ACACA: variants seen among roughly 807,000 people sequenced by gnomAD.
ACACA encodes acetyl-CoA carboxylase alpha.
In ACACA, 103 loss-of-function variants were observed where a neutral mutation model predicts 296.1. The ratio of observed to expected loss-of-function variants is 0.35; its 90% CI spans 0.30 to 0.41. The LOEUF (loss-of-function observed/expected upper bound fraction) is 0.41. ACACA is among the 10% of genes least tolerant of loss of function. ACACA has a pLI of 1.00. For missense variants in ACACA, 1,554 were observed against 2,989.7 expected, an observed-to-expected ratio of 0.52 and a Z score of 11.20; for synonymous variants, 953 against 1,038.6, an observed-to-expected ratio of 0.92 and a Z score of 1.58.
At chr17:37,277,777 A>G (rs1466043526) in intron 6 of ACACA, 119 bp downstream of exon 6, 2 of 736,962 alleles carry the variant, frequency 2.7e-6, no homozygotes, top group African/African-American at 1.7e-5. Flanking sequence ...TCCCATACAC[A>G]GGCATTTAAT....
At chr17:37,365,881 A>G in intron 1 of ACACA, 1 of 251,758 alleles carries the variant, frequency 4.0e-6, no homozygotes, top group Non-Finnish European at 6.3e-6. Flanking sequence ...CCAATGGCAA[A>G]CACTTCCAGT....
chr17:37,142,014 T>G (rs1002909919), intron 45 of ACACA, among the ~76,000 whole-genome samples: 5 of 149,250 alleles, frequency 3.4e-5, no homozygotes, highest in Non-Finnish European at 6.0e-5. Flanking sequence ...TTTTTTTTGT[T>G]TTTTTTTTTT....
At chr17:37,143,018 TA>T (rs1225525342) in intron 45 of ACACA, among the ~76,000 whole-genome samples, 7 of 152,192 alleles carry the variant, frequency 4.6e-5, no homozygotes, top group Non-Finnish European at 8.8e-5. Flanking sequence ...ATGTTTTACC[TA>T]TTTTGGCTCA....
intron 3 of ACACA, among the ~76,000 whole-genome samples, chr17:37,290,372 ATTATTAT>A (rs1330156392): frequency 6.6e-6 from 1 of 152,076 alleles, no homozygotes; most frequent in Non-Finnish European, 1.5e-5. Context: ...TTGAATGGTG[ATTATTAT>A]TTATTAATTA....
intron 45 of ACACA, among the ~76,000 whole-genome samples, chr17:37,132,684 T>C (rs1421912936): frequency 6.6e-6 from 1 of 152,174 alleles, no homozygotes; most frequent in African/African-American, 2.4e-5. Context: ...CACTATTTTC[T>C]TCCTATCTCT....
At chr17:37,090,858 C>A (rs1164549808) in intron 54 of ACACA, among the ~76,000 whole-genome samples, 2 of 151,538 alleles carry the variant, frequency 1.3e-5, no homozygotes, top group African/African-American at 2.4e-5. Context: ...CATACCCCTA[C>A]TTATGAAGAT....
At chr17:37,355,583 C>T (rs1489359863) in intron 1 of ACACA, among the ~76,000 whole-genome samples, 2 of 151,444 alleles carry the variant, frequency 1.3e-5, no homozygotes, top group Non-Finnish European at 2.9e-5. Context: ...TAGCCAAGCA[C>T]GGTGGCTCAC....
intron 52 of ACACA, 58 bp downstream of exon 52, chr17:37,111,473 A>C (rs1259796388): frequency 7.9e-7 from 1 of 1,272,656 alleles, no homozygotes; most frequent in African/African-American, 1.5e-5. Context: ...CTATGAATGC[A>C]CTCATTACAA....
At chr17:37,167,832 ACT>A (rs986998207) in intron 41 of ACACA, among the ~76,000 whole-genome samples, 2 of 152,104 alleles carry the variant, frequency 1.3e-5, no homozygotes, top group African/African-American at 2.4e-5. Context: ...GTATACCAGA[ACT>A]CTCTAATATG....
intron 47 of ACACA, among the ~76,000 whole-genome samples, chr17:37,127,850 A>G (rs1278090083): frequency 6.6e-6 from 1 of 150,560 alleles, no homozygotes; most frequent in Non-Finnish European, 1.5e-5. Context: ...CTCAAAAAAA[A>G]AAAAAAGAAA....
intron 52 of ACACA, among the ~76,000 whole-genome samples, chr17:37,108,404 T>A (rs920484978): frequency 4.6e-5 from 7 of 150,734 alleles, no homozygotes; most frequent in South Asian, 2.1e-4. Flanking sequence ...TTTTTTTTTT[T>A]AAAGACAGGG....
rs1002934101 is a variant in ACACA, at chr17:37,406,616, C to G, written c.-317G>C. ...CCGCACTCCGGAGGGGACCAAACAG[C>G]CCCACGCGCCAGGAAGCCTCAGGCA... On this transcript the variant is annotated 5_prime_UTR_variant, in exon 1 of 56. Coordinates refer to ENST00000616317, the MANE Select transcript of ACACA (RefSeq NM_198834.3). 5.6e-6 allele frequency: 3 copies of G among 534,008 alleles called. No individual in the cohort carries two copies. The highest frequency in any genetic ancestry group is 3.2e-5 in the Admixed American group (1 of 31,334). 33.1% of individuals were successfully genotyped at this position (534,008 alleles called of 1,614,324 possible).
rs1240402071 is a variant in ACACA at position 37,104,848 on chromosome 17, G to A, written c.6565+6683C>T. ...TCCTAGCTACTTGGGACTGAGGTGG[G>A]AGAATTGCTTGAGCCTGACAGGTCG... On this transcript the variant is annotated intron_variant, in intron 52 of 55. Coordinates refer to ENST00000616317, the MANE Select transcript of ACACA (RefSeq NM_198834.3). 2.0e-5 allele frequency among the ~76,000 whole-genome samples: 3 copies of A among 149,326 alleles called. No individual in the cohort carries two copies. In the Admixed American group the frequency reaches 2.0e-4, roughly 10 times the overall value.
At chr17:37,288,361 A>G (rs902447640) in intron 3 of ACACA, among the ~76,000 whole-genome samples, 9 of 152,216 alleles carry the variant, frequency 5.9e-5, no homozygotes, top group African/African-American at 1.9e-4. Context: ...AATAACATGA[A>G]TGAATCTCAA....
At chr17:37,244,296 G>T (rs2080578812) in intron 21 of ACACA, among the ~76,000 whole-genome samples, 1 of 152,070 alleles carries the variant, frequency 6.6e-6, no homozygotes, top group South Asian at 2.1e-4. Flanking sequence ...AACCCAGGAG[G>T]TGGAGGTTGC....
chr17:37,307,383 CTTGATATTGCTCGTTTTTTAATTTTACCT>C (rs990135393), intron 3 of ACACA, among the ~76,000 whole-genome samples: 2 of 152,150 alleles, frequency 1.3e-5, no homozygotes, highest in African/African-American at 4.8e-5. Flanking sequence ...CTTGCTAACA[CTTGATATTGCTCGTTTTTTAATTTTACCT>C]TTTTTGGTTG....
chr17:37,247,704 A>G (rs974739895), intron 18 of ACACA, among the ~76,000 whole-genome samples: 19 of 152,214 alleles, frequency 1.2e-4, no homozygotes, highest in African/African-American at 4.3e-4. Context: ...CAGTATGTAC[A>G]TGAGTGTAAC....
chr17:37,104,552 C>T (rs1213367660), intron 52 of ACACA, among the ~76,000 whole-genome samples: 1 of 152,184 alleles, frequency 6.6e-6, no homozygotes, highest in African/African-American at 2.4e-5. Context: ...CAAAGCAGTT[C>T]AAATTGACTT....
At chr17:37,286,093 T>G (rs2082757385) in intron 3 of ACACA, among the ~76,000 whole-genome samples, 1 of 152,174 alleles carries the variant, frequency 6.6e-6, no homozygotes, top group African/African-American at 2.4e-5. Flanking sequence ...TTTCGCCATG[T>G]TGACCAGGCT....
Sources: allele counts gnomAD v4.1 joint callset (sites outside exome capture counted in the v4.1 genomes callset), GRCh38; gene constraint gnomAD v4.1.1; transcripts MANE v1.5; gene names NCBI Gene and HGNC (gene_info 2026-07-23, HGNC 2026-07-21).